Variants in ROBO2 observed in about 807,000 individuals in gnomAD.
The protein encoded by ROBO2 is roundabout guidance receptor 2, also known as roundabout homolog 2.
A neutral mutation model predicts 160.8 loss-of-function variants in ROBO2; 53 were observed. That is an observed-to-expected ratio of 0.33 (90% CI 0.26 to 0.41). The LOEUF is 0.41. Ranked by LOEUF, ROBO2 falls within the 10% of genes least tolerant of loss-of-function variation. The pLI, the probability that ROBO2 is intolerant of heterozygous loss-of-function variation, is 1.00. For synonymous variants in ROBO2, 664 were observed against 611.7 expected (o/e 1.09, Z -1.26); for missense variants, 1,577 against 1,722.4 (o/e 0.92, Z 1.49).
chr3:76,912,204 A>C (rs1213727740), intron 2 of ROBO2, among the ~76,000 whole-genome samples: 2 of 147,078 alleles, frequency 1.4e-5, no homozygotes, highest in Non-Finnish European at 2.9e-5. Context: ...ACTGAATTAG[A>C]TGCTCCCCAA....
chr3:76,642,883 CTT>C (rs1242322301), intron 2 of ROBO2, among the ~76,000 whole-genome samples: 1 of 152,016 alleles, frequency 6.6e-6, no homozygotes, highest in African/African-American at 2.4e-5. Flanking sequence ...GTCCATAAGA[CTT>C]TTATGCTTCA....
At chr3:77,105,121 C>T (rs2072611218) in intron 2 of ROBO2, among the ~76,000 whole-genome samples, 1 of 152,138 alleles carries the variant, frequency 6.6e-6, no homozygotes, top group Non-Finnish European at 1.5e-5. Context: ...TTTTCTTTCA[C>T]TTGTCAGGTT....
At chr3:76,253,850 T>C (rs556190662) in intron 2 of ROBO2, among the ~76,000 whole-genome samples, 3 of 151,996 alleles carry the variant, frequency 2.0e-5, no homozygotes, top group Admixed American at 1.3e-4. Flanking sequence ...GTAGTTTGGA[T>C]AAATTTCTAG....
rs559462468 is a variant in ROBO2 at position 77,524,804 on chromosome 3, A to C, written c.934+1902A>C. Among the ~76,000 whole-genome samples the C allele has an allele frequency of 7.9e-5, 12 of 151,358 alleles. No homozygotes were observed. The East Asian group carries it at 2.3e-3, about 30-fold the overall frequency. ...TTTTCAATAGTTTTTTTTTTCTTAA[A>C]TCAGCAAACCTTAAATAGCCTCTCC... On this transcript the variant is annotated intron_variant, in intron 6 of 25. Transcript: ENST00000461745.
chr3:76,304,552 T>C (rs1437949427), intron 2 of ROBO2, among the ~76,000 whole-genome samples: 1 of 152,206 alleles, frequency 6.6e-6, no homozygotes, highest in East Asian at 1.9e-4. Context: ...TGATGGCTTG[T>C]TGATGGAGTA....
At chr3:76,895,725 G>A (rs943015143) in intron 2 of ROBO2, among the ~76,000 whole-genome samples, 4 of 152,156 alleles carry the variant, frequency 2.6e-5, no homozygotes, top group Admixed American at 1.3e-4. Flanking sequence ...ATATGACAGA[G>A]TGCTTAAGAA....
At chr3:77,356,544 A>G (rs1395991269) in intron 2 of ROBO2, among the ~76,000 whole-genome samples, 1 of 152,202 alleles carries the variant, frequency 6.6e-6, no homozygotes, top group Non-Finnish European at 1.5e-5. Context: ...CCCTGGGTTC[A>G]TGACTGAGGC....
chr3:77,017,266 G>A (rs544783182), intron 2 of ROBO2, among the ~76,000 whole-genome samples: 5 of 152,156 alleles, frequency 3.3e-5, no homozygotes, highest in East Asian at 1.9e-4. Context: ...GTGACCTTTC[G>A]TCTTTTAAAT....
intron 2 of ROBO2, among the ~76,000 whole-genome samples, chr3:77,436,140 T>A (rs2079259387): frequency 6.6e-6 from 1 of 150,470 alleles, no homozygotes; most frequent in Non-Finnish European, 1.5e-5. Context: ...AATGCATGTT[T>A]TATATTCCTG....
chr3:77,368,082 T>G (rs2153474450), intron 2 of ROBO2, among the ~76,000 whole-genome samples: 1 of 152,262 alleles, frequency 6.6e-6, no homozygotes, highest in East Asian at 1.9e-4. Flanking sequence ...CTTAGAGCAT[T>G]TATGAATCAT....
chr3:76,002,655 T>C (rs1254131529), intron 2 of ROBO2, among the ~76,000 whole-genome samples: 1 of 152,178 alleles, frequency 6.6e-6, no homozygotes. Flanking sequence ...GTGAGTTCGT[T>C]AAACCTCTTT....
chr3:76,304,736 T>C (rs1410897227), intron 2 of ROBO2, among the ~76,000 whole-genome samples: 69 of 65,746 alleles, frequency 1.0e-3, no homozygotes, highest in Middle Eastern at 7.7e-3. Flanking sequence ...TTCTTTCTTT[T>C]CTTTTCTTTC....
intron 2 of ROBO2, among the ~76,000 whole-genome samples, chr3:76,905,060 A>G (rs936709768): frequency 6.6e-6 from 1 of 152,154 alleles, no homozygotes; most frequent in African/African-American, 2.4e-5. Context: ...CATGACTATT[A>G]CTGGAAGAAT....
At chr3:77,458,538 A>T (rs770811370) in intron 2 of ROBO2, among the ~76,000 whole-genome samples, 8 of 152,044 alleles carry the variant, frequency 5.3e-5, no homozygotes, top group Non-Finnish European at 1.2e-4. Flanking sequence ...GAAGAATGTA[A>T]CACTGATCAG....
At chr3:77,568,313 A>G in exon 13 of ROBO2, 1 of 1,612,750 alleles carries the variant, frequency 6.2e-7, no homozygotes, top group South Asian at 1.1e-5. Context: ...CTAACTGCAG[A>G]TATCAGCCCA....
At chr3:77,000,737 T>A (rs1201289935) in intron 2 of ROBO2, among the ~76,000 whole-genome samples, 1 of 152,096 alleles carries the variant, frequency 6.6e-6, no homozygotes, top group East Asian at 1.9e-4. Flanking sequence ...TTGAAGAAAG[T>A]TATTTTGAAT....
At chr3:76,397,584 G>A (rs1039237171) in intron 2 of ROBO2, among the ~76,000 whole-genome samples, 93 of 151,836 alleles carry the variant, frequency 6.1e-4, no homozygotes, top group African/African-American at 2.0e-3. Flanking sequence ...ATCTGACAAA[G>A]GGCTAATATC....
intron 2 of ROBO2, among the ~76,000 whole-genome samples, chr3:76,981,598 G>T (rs534393160): frequency 6.6e-6 from 1 of 151,968 alleles, no homozygotes; most frequent in South Asian, 2.1e-4. Context: ...AATATTCTGT[G>T]GGTTTTATTT....
intron 2 of ROBO2, among the ~76,000 whole-genome samples, chr3:77,019,298 A>G (rs1052361752): frequency 2.0e-5 from 3 of 152,136 alleles, no homozygotes; most frequent in African/African-American, 7.2e-5. Context: ...TGTGTCTTCC[A>G]TAGTGGAAGG....
Sources: gnomAD v4.1 joint callset for allele counts (sites outside exome capture counted in the v4.1 genomes callset) on GRCh38, gnomAD v4.1.1 for gene constraint, MANE v1.5 for transcripts, NCBI Gene and HGNC (gene_info 2026-07-23, HGNC 2026-07-21) for gene names.